Variants in SNTG1 observed in about 807,000 individuals in gnomAD.
SNTG1 encodes gamma-1-syntrophin.
SNTG1 carries 39 observed loss-of-function variants against 74.7 expected under a neutral mutation model. The observed-to-expected ratio is 0.52, with a 90% CI of 0.40 to 0.68. The LOEUF is 0.68. SNTG1 is among the 30% of genes least tolerant of loss of function. SNTG1 has a pLI of 0.00. For synonymous variants in SNTG1, 254 were observed against 217.1 expected (o/e 1.17, Z -1.49); for missense variants, 685 against 609.5 (o/e 1.12, Z -1.30).
intron 2 of SNTG1, among the ~76,000 whole-genome samples, chr8:50,265,890 TA>T (rs1239590049): frequency 6.6e-6 from 1 of 151,980 alleles, no homozygotes; most frequent in African/African-American, 2.4e-5. Context: ...GAAAGTGGTA[TA>T]AAACATATAC....
At chr8:50,469,968 T>TGGGCAAGAGA (rs2093638985) in intron 8 of SNTG1, among the ~76,000 whole-genome samples, 1 of 152,120 alleles carries the variant, frequency 6.6e-6, no homozygotes, top group South Asian at 2.1e-4. Flanking sequence ...AGAGAGAGGC[T>TGGGCAAGAGA]GTCTCAATAA....
chr8:50,150,930 G>A (rs544785513), intron 1 of SNTG1, among the ~76,000 whole-genome samples: 1 of 152,178 alleles, frequency 6.6e-6, no homozygotes, highest in African/African-American at 2.4e-5. Context: ...CTCATAAAAT[G>A]AGTTAGGGAG....
chr8:50,167,226 A>G (rs1586561941), intron 1 of SNTG1, among the ~76,000 whole-genome samples: 1 of 149,248 alleles, frequency 6.7e-6, no homozygotes. Flanking sequence ...TACATATGTA[A>G]CTAACCTGCA....
chr8:50,628,375 T>C (rs774737477), intron 13 of SNTG1, among the ~76,000 whole-genome samples: 2 of 152,186 alleles, frequency 1.3e-5, no homozygotes, highest in Non-Finnish European at 2.9e-5. Flanking sequence ...CAAATCATCT[T>C]ATAGTTTGTG....
At chr8:50,302,478 T>G (rs2089694558) in intron 2 of SNTG1, among the ~76,000 whole-genome samples, 1 of 152,172 alleles carries the variant, frequency 6.6e-6, no homozygotes, top group Non-Finnish European at 1.5e-5. Flanking sequence ...AGTCTGCCAG[T>G]ATCCATGATC....
intron 2 of SNTG1, among the ~76,000 whole-genome samples, chr8:50,372,353 A>G (rs2092289189): frequency 6.6e-6 from 1 of 151,952 alleles, no homozygotes; most frequent in African/African-American, 2.4e-5. Flanking sequence ...ATTGATAACA[A>G]CTTAACTTCA....
intron 1 of SNTG1, among the ~76,000 whole-genome samples, chr8:50,070,280 C>T (rs1016216419): frequency 3.3e-5 from 5 of 151,756 alleles, no homozygotes; most frequent in African/African-American, 9.7e-5. Context: ...TTTTGAAAAT[C>T]GAGATTAAAA....
intron 8 of SNTG1, among the ~76,000 whole-genome samples, chr8:50,492,721 G>C (rs1394669009): frequency 6.6e-6 from 1 of 152,208 alleles, no homozygotes; most frequent in African/African-American, 2.4e-5. Context: ...TGGCTGTGCA[G>C]AAGCTCTTTA....
intron 1 of SNTG1, among the ~76,000 whole-genome samples, chr8:49,925,130 G>A (rs1806904785): frequency 3.9e-5 from 6 of 152,006 alleles, no homozygotes; most frequent in Admixed American, 3.9e-4. Flanking sequence ...TCCAGTCTAA[G>A]CAACAGAACC....
At chr8:50,518,432 C>A (rs994674984) in intron 9 of SNTG1, among the ~76,000 whole-genome samples, 2 of 152,004 alleles carry the variant, frequency 1.3e-5, no homozygotes, top group African/African-American at 4.8e-5. Context: ...TAAAAGCTAG[C>A]AGAAGACAAG....
chr8:50,723,053 A>G (rs1427630897), intron 17 of SNTG1, among the ~76,000 whole-genome samples: 3 of 152,126 alleles, frequency 2.0e-5, no homozygotes, highest in Non-Finnish European at 2.9e-5. Context: ...ATGTTAAATG[A>G]TTTTCTTTTA....
intron 1 of SNTG1, among the ~76,000 whole-genome samples, chr8:50,101,062 T>C (rs2080104752): frequency 6.6e-6 from 1 of 152,096 alleles, no homozygotes; most frequent in Non-Finnish European, 1.5e-5. Context: ...TTACTTTGCT[T>C]AGGATAATGG....
In SNTG1 at chr8:50,724,264, G is replaced by A. The variant is rs1366346871; in HGVS notation, c.1284+15286G>A. Among the ~76,000 whole-genome samples the A allele has an allele frequency of 5.3e-5, 8 of 152,250 alleles. No individual in the cohort carries two copies. The East Asian group carries it at 1.2e-3, about 22-fold the overall frequency. On this transcript the variant is annotated intron_variant, in intron 17 of 18. Transcript: ENST00000642720. The stretch of plus-strand genomic sequence containing the variant: ...TAATCACAAACAAAGCAACAGAGGT[G>A]CCAAATGATTTTAAGTAAGGAATCT...
At chr8:50,779,989 A>G (rs190908162) in intron 18 of SNTG1, among the ~76,000 whole-genome samples, 3 of 152,170 alleles carry the variant, frequency 2.0e-5, no homozygotes, top group African/African-American at 2.4e-5. Context: ...GGTTCTGTTT[A>G]TATGCTGGAT....
rs1808775121 is a variant in SNTG1 at position 49,942,369 on chromosome 8, G to A, written c.-103+30138G>A. ...TTTAATATACAGAAAATTTGCAAATGTGGCACACAGAGTTCTCAAACACCC... is the reference window on the plus strand; with the variant it reads ...TTTAATATACAGAAAATTTGCAAATATGGCACACAGAGTTCTCAAACACCC... On this transcript the variant is annotated intron_variant, in intron 1 of 18. Transcript: ENST00000642720. Among the ~76,000 whole-genome samples the A allele has an allele frequency of 3.9e-5, 6 of 152,174 alleles. No homozygotes were observed. The South Asian group carries it at 1.2e-3, about 32-fold the overall frequency.
chr8:50,087,783 A>C (rs1823038009), intron 1 of SNTG1, among the ~76,000 whole-genome samples: 1 of 151,756 alleles, frequency 6.6e-6, no homozygotes, highest in Admixed American at 6.6e-5. Context: ...TTTTTTATTT[A>C]TTTATTTTTT....
At chr8:50,591,003 A>C (rs2094688357) in intron 13 of SNTG1, 86 bp downstream of exon 13, 1 of 937,790 alleles carries the variant, frequency 1.1e-6, no homozygotes, top group Non-Finnish European at 1.5e-6. Context: ...TGATTTCTAG[A>C]CAGAAATAAT....
chr8:50,066,087 C>T (rs191134799), intron 1 of SNTG1, among the ~76,000 whole-genome samples: 103 of 152,210 alleles, frequency 6.8e-4, no homozygotes, highest in Middle Eastern at 3.4e-3. Flanking sequence ...TGGTGGCACA[C>T]GCCTTTAATC....
chr8:50,645,780 T>C (rs943346280), intron 13 of SNTG1, among the ~76,000 whole-genome samples: 2 of 152,320 alleles, frequency 1.3e-5, no homozygotes, highest in East Asian at 3.9e-4. Context: ...TTTTGCCTCA[T>C]GTTTTTCTCT....
Sources: gnomAD v4.1 joint callset for allele counts (sites outside exome capture counted in the v4.1 genomes callset) on GRCh38, gnomAD v4.1.1 for gene constraint, MANE v1.5 for transcripts, NCBI Gene and HGNC (gene_info 2026-07-23, HGNC 2026-07-21) for gene names.